The following TULP4 variants were observed in gnomAD, a reference collection of about 807,000 sequenced individuals.
TULP4 encodes the protein tubby-related protein 4.
TULP4 carries 16 observed loss-of-function variants against 129.0 expected under a neutral mutation model. That is an observed-to-expected ratio of 0.12 (90% confidence interval 0.08 to 0.19). The LOEUF (loss-of-function observed/expected upper bound fraction) is 0.19, where lower values mean the gene tolerates loss of function less well. Among genes scored for constraint, TULP4 ranks in the 10% least tolerant of loss-of-function variants. TULP4 has a pLI of 1.00. For synonymous variants in TULP4, 998 were observed against 854.0 expected (o/e 1.17, Z -2.94); for missense variants, 1,842 against 2,059.1 (o/e 0.89, Z 2.04).
chr6:158,338,024 G>A (rs752258376), intron 1 of TULP4, among the ~76,000 whole-genome samples: 41 of 152,292 alleles, frequency 2.7e-4, no homozygotes, highest in Admixed American at 1.5e-3. Flanking sequence ...GACTCTGGCC[G>A]TAGTTATTGA....
At chr6:158,344,267 C>T (rs952874145) in intron 1 of TULP4, among the ~76,000 whole-genome samples, 1 of 152,210 alleles carries the variant, frequency 6.6e-6, no homozygotes, top group African/African-American at 2.4e-5. Flanking sequence ...GGACTCAGCC[C>T]ACCTGCACCC....
In TULP4 at chr6:158,406,574, T is replaced by C. The variant is rs1265384140; in HGVS notation, c.253-6491T>C. ...TCCACAGGATTTTGAGGCAGATGAA[T>C]GCCTGAATATGGTCAAAAGATGAAA... On this transcript the variant is annotated intron_variant, in intron 1 of 13. Coordinates refer to ENST00000367097, the MANE Select transcript of TULP4 (RefSeq NM_020245.5). Among the ~76,000 whole-genome samples, 3 of 152,204 alleles carry C rather than the reference T, an allele frequency of 2.0e-5. No individual in the cohort carries two copies. In the South Asian group the frequency reaches 6.2e-4, roughly 32 times the overall value.
At chr6:158,348,988 G>C (rs1395878579) in intron 1 of TULP4, among the ~76,000 whole-genome samples, 2 of 149,060 alleles carry the variant, frequency 1.3e-5, no homozygotes, top group Non-Finnish European at 3.0e-5. Flanking sequence ...CCCAGATGGG[G>C]CAGCCGGGCA....
chr6:158,331,754 C>CACGTATATATATATATATAT (rs1779894129), intron 1 of TULP4, among the ~76,000 whole-genome samples: 1 of 15,294 alleles, frequency 6.5e-5, no homozygotes, highest in East Asian at 4.2e-3. Context: ...CGTGTATATA[C>CACGTATATATATATATATAT]ACGTGTATAT....
chr6:158,430,940 C>T (rs1248487156), intron 3 of TULP4, among the ~76,000 whole-genome samples: 3 of 151,896 alleles, frequency 2.0e-5, no homozygotes, highest in Non-Finnish European at 4.4e-5. Context: ...TTTTTTTTAA[C>T]TGAATTGCTT....
At chr6:158,454,103 A>G (rs114731875) in intron 5 of TULP4, among the ~76,000 whole-genome samples, 1,635 of 148,180 alleles carry the variant, frequency 0.011, 32 homozygotes, top group African/African-American at 0.038. Context: ...GGGCATCCCA[A>G]TCTACTGTCT....
At chr6:158,355,739 C>T (rs1780631848) in intron 1 of TULP4, among the ~76,000 whole-genome samples, 1 of 152,166 alleles carries the variant, frequency 6.6e-6, no homozygotes, top group Non-Finnish European at 1.5e-5. Flanking sequence ...AAGAAGGTTA[C>T]AGCCCAGAAT....
Position 158,420,041 on chromosome 6 carries a change from C to A in TULP4, c.381+6848C>A, listed in dbSNP as rs552857375. On this transcript the variant is annotated intron_variant, in intron 2 of 13. Coordinates refer to ENST00000367097, the MANE Select transcript of TULP4 (RefSeq NM_020245.5). ...ATTGATCATATTCTAGGGCAGGATT[C>A]TGCAAACCTTTTCTGTGAAGGGTCA... Among the ~76,000 whole-genome samples the A allele has an allele frequency of 3.9e-5, 6 of 152,302 alleles. No individual in the cohort carries two copies. In the East Asian group the frequency reaches 1.2e-3, roughly 29 times the overall value.
chr6:158,452,315 G>A (rs1779180208), intron 5 of TULP4, 47 bp downstream of exon 5: 3 of 1,604,342 alleles, frequency 1.9e-6, no homozygotes, highest in Non-Finnish European at 1.7e-6. Context: ...GGGCCTGTGT[G>A]TGCTTGCCTC....
At chr6:158,382,535 A>G (rs1364360509) in intron 1 of TULP4, among the ~76,000 whole-genome samples, 1 of 152,208 alleles carries the variant, frequency 6.6e-6, no homozygotes, top group East Asian at 1.9e-4. Context: ...GGAGTCCAGC[A>G]GACTGGGGAT....
At chr6:158,409,915 GCA>G (rs1778055288) in intron 1 of TULP4, among the ~76,000 whole-genome samples, 1 of 152,054 alleles carries the variant, frequency 6.6e-6, no homozygotes, top group South Asian at 2.1e-4. Context: ...GAGTGCAGTG[GCA>G]TGATCTCGGC....
intron 1 of TULP4, among the ~76,000 whole-genome samples, chr6:158,350,642 G>A (rs569124554): frequency 2.6e-5 from 4 of 152,278 alleles, no homozygotes; most frequent in South Asian, 2.1e-4. Flanking sequence ...GGAGAATCAC[G>A]GGAGCCCGAG....
chr6:158,364,042 A>G (rs548280733), intron 1 of TULP4, among the ~76,000 whole-genome samples: 1 of 152,252 alleles, frequency 6.6e-6, no homozygotes, highest in Non-Finnish European at 1.5e-5. Context: ...AATAGAACGT[A>G]TCACTGAGAG....
Position 158,482,964 on chromosome 6 carries a change from C to T in TULP4, c.1486+1675C>T, listed in dbSNP as rs183106814. Among the ~76,000 whole-genome samples the T allele has an allele frequency of 1.9e-3, 286 of 152,226 alleles. 2 individuals are homozygous for T. Among genetic ancestry groups the T allele is most frequent in the African/African-American group, 5.9e-3 (246 of 41,546 alleles). ...TATCAAACACAGACCCACTCATTTG[C>T]GCACAATCCTTTCAGGGAATAAGAT... On this transcript the variant is annotated intron_variant, in intron 8 of 13. Transcript: ENST00000367097.
chr6:158,259,709 A>G (rs992160064), intron 1 of TULP4, among the ~76,000 whole-genome samples: 6 of 152,196 alleles, frequency 3.9e-5, no homozygotes, highest in African/African-American at 1.2e-4. Context: ...GCAGATACCA[A>G]TTGCAAGTCT....
At chr6:158,343,931 T>C (rs1780244265) in intron 1 of TULP4, among the ~76,000 whole-genome samples, 3 of 152,204 alleles carry the variant, frequency 2.0e-5, no homozygotes. Flanking sequence ...CCCTGTGACC[T>C]GCACGTATAC....
At chr6:158,448,786 T>C (rs1026357364) in intron 3 of TULP4, among the ~76,000 whole-genome samples, 7 of 152,264 alleles carry the variant, frequency 4.6e-5, no homozygotes, top group Non-Finnish European at 1.0e-4. Context: ...CTGCTGTTAG[T>C]CACATTTCAG....
At chr6:158,452,025 T>C in intron 4 of TULP4, 109 bp from the exon 5 acceptor site, 1 of 1,510,558 alleles carries the variant, frequency 6.6e-7, no homozygotes, top group Non-Finnish European at 9.0e-7. Flanking sequence ...CAGAGTAGGA[T>C]CTGCATTGTC....
At chr6:158,426,847 C>T (rs544950685) in intron 2 of TULP4, among the ~76,000 whole-genome samples, 1 of 152,250 alleles carries the variant, frequency 6.6e-6, no homozygotes, top group South Asian at 2.1e-4. Context: ...TCTTCCTATC[C>T]GTGAGCATGT....
Sources: allele counts gnomAD v4.1 joint callset (sites outside exome capture counted in the v4.1 genomes callset), GRCh38; gene constraint gnomAD v4.1.1; transcripts MANE v1.5; gene names NCBI Gene and HGNC (gene_info 2026-07-23, HGNC 2026-07-21).